The following KRT222 variants were observed in gnomAD, a reference collection of about 807,000 sequenced individuals.
The protein encoded by KRT222 is keratin-like protein KRT222.
Under a neutral mutation model 35.0 loss-of-function variants are expected in KRT222, and 23 were observed. The observed-to-expected ratio is 0.66, with a 90% CI of 0.47 to 0.93. The LOEUF is 0.93. Ranked by LOEUF, KRT222 falls within the 40% of genes least tolerant of loss-of-function variation. The pLI is 0.00. For missense variants in KRT222, 339 were observed against 346.3 expected, an observed-to-expected ratio of 0.98 and a Z score of 0.17; for synonymous variants, 108 against 118.8, an observed-to-expected ratio of 0.91 and a Z score of 0.59.
chr17:40,659,306 C>A (rs890583854), intron 3 of KRT222, among the ~76,000 whole-genome samples: 1 of 151,992 alleles, frequency 6.6e-6, no homozygotes, highest in Non-Finnish European at 1.5e-5. Context: ...CAGGCATGCA[C>A]CACCATGCCC....
chr17:40,664,589 A>G (rs571293582), intron 1 of KRT222, among the ~76,000 whole-genome samples: 33 of 152,364 alleles, frequency 2.2e-4, no homozygotes, highest in African/African-American at 7.7e-4. Flanking sequence ...GAAAGTGTAC[A>G]TGCTAATAAA....
rs2037372172 is a variant in KRT222, at chr17:40,660,100, T to TA, written c.332dup (p.Arg112LysfsTer56). ...GAAGCTGCTTTTCGATGCCGCGCCT[T>TA]ACTTCCTGTAGCTCTTTTTCTAGTC... On this transcript the variant is annotated frameshift_variant, in exon 3 of 6. Coordinates refer to ENST00000394052, the MANE Select transcript of KRT222 (RefSeq NM_152349.3). LOFTEE classifies it high-confidence loss of function. 1 of 1,614,088 alleles carries TA rather than the reference T, an allele frequency of 6.2e-7. No individual in the cohort carries two copies. Among genetic ancestry groups the TA allele is most frequent in the South Asian group, 1.1e-5 (1 of 91,084 alleles).
intron 2 of KRT222, among the ~76,000 whole-genome samples, chr17:40,661,423 T>C (rs2144033807): frequency 6.6e-6 from 1 of 152,130 alleles, no homozygotes; most frequent in South Asian, 2.1e-4. Context: ...CGTGCCACCA[T>C]GCCTGGCTAA....
intron 3 of KRT222, among the ~76,000 whole-genome samples, chr17:40,659,461 C>T (rs1349696332): frequency 2.0e-5 from 3 of 152,172 alleles, no homozygotes; most frequent in East Asian, 1.9e-4. Context: ...AGGCGTGAGC[C>T]GCTGCACCCA....
intron 3 of KRT222, 24 bp downstream of exon 3, chr17:40,659,963 C>G: frequency 6.3e-7 from 1 of 1,595,828 alleles, no homozygotes; most frequent in Non-Finnish European, 8.6e-7. Context: ...GGCCCCTTGT[C>G]ATTAACTAAA....
rs191029390 is a variant in KRT222, at chr17:40,656,277, C to G, written c.*125G>C. The G allele has an allele frequency of 1.9e-4, 121 of 642,278 alleles. No homozygotes were observed. The highest frequency in any genetic ancestry group is 1.8e-4 in the Non-Finnish European group (64 of 361,322). The allele number at this position is 642,278 out of a possible 1,614,324, so 39.8% of individuals were successfully genotyped here. A position where few individuals can be genotyped will look rare whatever the true frequency, so the allele number is the denominator to read the frequency against. On this transcript the variant is annotated 3_prime_UTR_variant, in exon 6 of 6. Coordinates refer to ENST00000394052, the MANE Select transcript of KRT222 (RefSeq NM_152349.3). ...TATTGTTTTTTTCTTCTGAAGAGAA[C>G]CACATATTGATCATAACATTTTCCA... is the stretch of plus-strand genomic sequence containing the variant.
At position 40,665,078 on chromosome 17, in the gene KRT222, T is replaced by A. The variant is rs746108920; in HGVS notation, c.22A>T (p.Asn8Tyr). 3 of 1,614,010 alleles carry A rather than the reference T, an allele frequency of 1.9e-6. No homozygotes were observed. Among genetic ancestry groups the A allele is most frequent in the Non-Finnish European group, 2.5e-6 (3 of 1,179,970 alleles). ...TTTTCATAGTTTGCCCTGATCTCATTGAGTAGCTGGGACAGTTCCATTCTT... is the reference window on the plus strand; with the variant it reads ...TTTTCATAGTTTGCCCTGATCTCATAGAGTAGCTGGGACAGTTCCATTCTT... MELSQLL[N>Y]EIRANYEKIL... The change falls in exon 1 of 6, where the codon AAT (asparagine) becomes TAT (tyrosine). Residue 8 changes from asparagine to tyrosine, a missense_variant. By Grantham distance (143) the Asn-to-Tyr change is moderately radical (BLOSUM62 -2). Coordinates refer to ENST00000394052, the MANE Select transcript of KRT222 (RefSeq NM_152349.3).
At chr17:40,664,846 TGTAGTCCCA>T in intron 1 of KRT222, 149 bp downstream of exon 1, 2 of 1,217,860 alleles carry the variant, frequency 1.6e-6, no homozygotes, top group South Asian at 3.0e-5. Context: ...TATTTCCCCC[TGTAGTCCCA>T]GTCACACTGC....
At chr17:40,663,519 G>A (rs2037399764) in intron 1 of KRT222, among the ~76,000 whole-genome samples, 1 of 152,236 alleles carries the variant, frequency 6.6e-6, no homozygotes, top group Non-Finnish European at 1.5e-5. Context: ...AGTCCCAGCA[G>A]AGCCAGCCTT....
chr17:40,660,399 C>A (rs1190613031), intron 2 of KRT222, among the ~76,000 whole-genome samples, 192 bp from the exon 3 acceptor site: 1 of 151,958 alleles, frequency 6.6e-6, no homozygotes. Flanking sequence ...CCTCCCTCAG[C>A]CTCCCAAGTA....
intron 2 of KRT222, among the ~76,000 whole-genome samples, chr17:40,661,386 C>T (rs540307901): frequency 6.6e-6 from 1 of 151,990 alleles, no homozygotes; most frequent in South Asian, 2.1e-4. Context: ...TGTGCCTCAG[C>T]CTCCTAAGTT....
rs1400402703 is a variant in KRT222, at chr17:40,655,419, C to T, written c.*983G>A. The T allele has an allele frequency of 6.6e-6, 1 of 152,038 alleles. No individual in the cohort carries two copies. Among genetic ancestry groups the T allele is most frequent in the East Asian group, 1.9e-4 (1 of 5,202 alleles). The allele number at this position is 152,038 out of a possible 1,614,324, so 9.4% of individuals were successfully genotyped here. On this transcript the variant is annotated 3_prime_UTR_variant, in exon 6 of 6. Transcript: ENST00000394052. Reference sequence around the variant, plus strand: ...GATTTAAAAACAAATCCTCTAAATACTCTTAGCTTAGATAACAATACCGTT... The same window carrying T: ...GATTTAAAAACAAATCCTCTAAATATTCTTAGCTTAGATAACAATACCGTT...
At chr17:40,660,433 C>A (rs1398127546) in intron 2 of KRT222, among the ~76,000 whole-genome samples, 1 of 152,012 alleles carries the variant, frequency 6.6e-6, no homozygotes, top group Non-Finnish European at 1.5e-5. Context: ...TCGCGTGCCA[C>A]CACGCCCGGC....
At chr17:40,659,139 GTCTCTC>G (rs34880856) in intron 3 of KRT222, among the ~76,000 whole-genome samples, 8 of 71,098 alleles carry the variant, frequency 1.1e-4, no homozygotes, top group East Asian at 3.4e-4. Flanking sequence ...GTTAGGAAAG[GTCTCTC>G]TCTCTCTCTC....
chr17:40,660,862 A>G (rs7210983), intron 2 of KRT222, among the ~76,000 whole-genome samples: 109,900 of 151,570 alleles, frequency 0.73, 40,392 homozygotes, highest in African/African-American at 0.85. Flanking sequence ...AAAAAAAAAA[A>G]AAAAAAAGAA....
rs947052300 is a variant in KRT222 at position 40,655,917 on chromosome 17, T to C, written c.*485A>G. 1 of 152,306 alleles carries C rather than the reference T, an allele frequency of 6.6e-6. No individual in the cohort carries two copies. The highest frequency in any genetic ancestry group is 1.5e-5 in the Non-Finnish European group (1 of 68,106). 9.4% of individuals were successfully genotyped at this position (152,306 alleles called of 1,614,324 possible). On this transcript the variant is annotated 3_prime_UTR_variant, in exon 6 of 6. Coordinates refer to ENST00000394052, the MANE Select transcript of KRT222 (RefSeq NM_152349.3). ...GTGAGTCCCCCTTTAAAAACTTGTTTATAATTGCTCTTTTTGAAAAATAGA... is the reference window on the plus strand; with the variant it reads ...GTGAGTCCCCCTTTAAAAACTTGTTCATAATTGCTCTTTTTGAAAAATAGA...
chr17:40,661,969 C>T lies in KRT222; in HGVS notation c.172G>A (p.Ala58Thr). 1 of 1,614,156 alleles carries T rather than the reference C, an allele frequency of 6.2e-7. No homozygotes were observed. The highest frequency in any genetic ancestry group is 8.5e-7 in the Non-Finnish European group (1 of 1,180,018). ...LKAAQAELKE[A>T]RRQWHHLQVE... ...TGCAGGTGGTGCCACTGGCGTCGGG[C>T]CTCCTTGAGTTCTGCTTGAGCTGCC... The change falls in exon 2 of 6, where the codon GCC becomes ACC. Residue 58 changes from alanine to threonine, a missense_variant. By Grantham distance (58) the Ala-to-Thr change is moderately conservative. Transcript: ENST00000394052.
At chr17:40,657,308 A>G in intron 5 of KRT222, 44 bp downstream of exon 5, 1 of 1,323,238 alleles carries the variant, frequency 7.6e-7, no homozygotes, top group Non-Finnish European at 1.0e-6. Context: ...TAATTTCTTT[A>G]CATATATTTA....
At chr17:40,657,314 AT>A (rs2037352040) in intron 5 of KRT222, 37 bp downstream of exon 5, 1 of 1,379,476 alleles carries the variant, frequency 7.2e-7, no homozygotes, top group Non-Finnish European at 9.7e-7. Context: ...CTTTACATAT[AT>A]TTATTATTAT....
Sources: gnomAD v4.1 joint callset for allele counts (sites outside exome capture counted in the v4.1 genomes callset) on GRCh38, gnomAD v4.1.1 for gene constraint, MANE v1.5 for transcripts, NCBI Gene and HGNC (gene_info 2026-07-23, HGNC 2026-07-21) for gene names.